The following KCNMA1 variants were observed in gnomAD, a reference collection of about 807,000 sequenced individuals.
The protein encoded by KCNMA1 is Calcium-activated potassium channel subunit alpha-1.
Under a neutral mutation model 140.0 loss-of-function variants are expected in KCNMA1, and 29 were observed. The observed-to-expected ratio is 0.21, with a 90% confidence interval of 0.15 to 0.28. The LOEUF is 0.28. Ranked by LOEUF, KCNMA1 falls within the 10% of genes least tolerant of loss-of-function variation. The probability of loss-of-function intolerance (pLI) is 1.00; values close to 1 mark genes in which losing one functional copy is unlikely to be tolerated. For missense variants in KCNMA1, 880 were observed against 1,602.2 expected, an observed-to-expected ratio of 0.55 and a Z score of 7.70; for synonymous variants, 612 against 611.9, an observed-to-expected ratio of 1.00 and a Z score of 0.00.
intron 1 of KCNMA1, among the ~76,000 whole-genome samples, chr10:77,437,490 C>A (rs954115965): frequency 6.6e-6 from 1 of 152,132 alleles, no homozygotes; most frequent in Non-Finnish European, 1.5e-5. Flanking sequence ...TATAGTTTTA[C>A]AGCAGGTAAA....
chr10:76,921,133 G>T (rs2055598375), intron 23 of KCNMA1, among the ~76,000 whole-genome samples: 1 of 152,104 alleles, frequency 6.6e-6, no homozygotes, highest in Non-Finnish European at 1.5e-5. Context: ...AAAGGAATTG[G>T]TTCAAATGGT....
At chr10:77,193,129 G>A (rs1309135534) in intron 3 of KCNMA1, among the ~76,000 whole-genome samples, 1 of 152,008 alleles carries the variant, frequency 6.6e-6, no homozygotes, top group South Asian at 2.1e-4. Flanking sequence ...ATCTGAACCA[G>A]TCATATGTCT....
At chr10:77,621,794 T>C (rs1289979643) in intron 1 of KCNMA1, among the ~76,000 whole-genome samples, 1 of 152,084 alleles carries the variant, frequency 6.6e-6, no homozygotes, top group Non-Finnish European at 1.5e-5. Context: ...CCAGGCATGA[T>C]GGTGCATGCC....
intron 1 of KCNMA1, among the ~76,000 whole-genome samples, chr10:77,589,066 A>G (rs1180639250): frequency 6.6e-6 from 1 of 152,240 alleles, no homozygotes; most frequent in East Asian, 1.9e-4. Context: ...ACAAATGAGC[A>G]TATCTGTGTT....
At chr10:77,361,340 G>T (rs1384107067) in intron 2 of KCNMA1, among the ~76,000 whole-genome samples, 2 of 152,208 alleles carry the variant, frequency 1.3e-5, no homozygotes, top group Non-Finnish European at 2.9e-5. Context: ...TCCAGCAACA[G>T]AAATGAGAAG....
intron 23 of KCNMA1, among the ~76,000 whole-genome samples, chr10:76,925,458 T>A (rs1344498590): frequency 6.6e-6 from 1 of 152,148 alleles, no homozygotes; most frequent in Admixed American, 6.6e-5. Flanking sequence ...AAGACAATGA[T>A]ATCAAGGGGA....
chr10:77,128,486 G>A (rs2097788372), intron 5 of KCNMA1, among the ~76,000 whole-genome samples: 1 of 149,580 alleles, frequency 6.7e-6, no homozygotes, highest in Admixed American at 6.7e-5. Flanking sequence ...TAAATCACCT[G>A]GGAAACTTTT....
intron 2 of KCNMA1, among the ~76,000 whole-genome samples, chr10:77,297,242 C>T (rs144434530): frequency 0.012 from 1,771 of 152,266 alleles, 35 homozygotes; most frequent in African/African-American, 0.041. Flanking sequence ...TAGAGCCAAA[C>T]CAAATAGCCT....
intron 2 of KCNMA1, among the ~76,000 whole-genome samples, chr10:77,303,544 A>C (rs978584956): frequency 6.6e-6 from 1 of 152,102 alleles, no homozygotes; most frequent in Admixed American, 6.5e-5. Flanking sequence ...GTTTCAGTAA[A>C]TTTCCTAAAG....
intron 14 of KCNMA1, among the ~76,000 whole-genome samples, chr10:77,052,738 CAG>C (rs2095415096): frequency 6.6e-6 from 1 of 152,108 alleles, no homozygotes; most frequent in Admixed American, 6.5e-5. Flanking sequence ...GATCCCTGGT[CAG>C]AGTCTTCAGC....
intron 1 of KCNMA1, among the ~76,000 whole-genome samples, chr10:77,477,311 T>C (rs1000681704): frequency 1.8e-4 from 27 of 152,248 alleles, no homozygotes; most frequent in Admixed American, 3.3e-4. Context: ...CTTGCCAGTC[T>C]GACTCAAGAT....
intron 17 of KCNMA1, among the ~76,000 whole-genome samples, chr10:77,016,398 C>A (rs1026547910): frequency 2.0e-5 from 3 of 152,138 alleles, no homozygotes; most frequent in African/African-American, 7.2e-5. Context: ...GTTCATTTTT[C>A]ACCACTGTTT....
chr10:77,342,920 C>T (rs953728582), intron 2 of KCNMA1, among the ~76,000 whole-genome samples: 1 of 152,136 alleles, frequency 6.6e-6, no homozygotes, highest in Non-Finnish European at 1.5e-5. Flanking sequence ...TGCTGCAGGG[C>T]TGTGGAAAGG....
intron 2 of KCNMA1, among the ~76,000 whole-genome samples, chr10:77,321,102 T>G (rs1057192493): frequency 6.6e-6 from 1 of 152,242 alleles, no homozygotes; most frequent in Non-Finnish European, 1.5e-5. Context: ...CTAGGCAAGA[T>G]GTTTATATTT....
At position 77,389,270 on chromosome 10, in the gene KCNMA1, C is replaced by A. The variant is rs191853476; in HGVS notation, c.540+14592G>T. Among the ~76,000 whole-genome samples the A allele has an allele frequency of 1.1e-3, 174 of 152,338 alleles. 1 individual carries two copies. Among genetic ancestry groups the A allele is most frequent in the African/African-American group, 4.0e-3 (168 of 41,588 alleles). On this transcript the variant is annotated intron_variant, in intron 2 of 27. Coordinates refer to ENST00000286628, the MANE Select transcript of KCNMA1 (RefSeq NM_001161352.2). ...CCACCCCCCTGAGTCTGCTACCTTG[C>A]TCCAGAAATAAAAAATGACTTTGGC...
chr10:77,595,677 G>C (rs1214771949), intron 1 of KCNMA1, among the ~76,000 whole-genome samples: 1 of 152,048 alleles, frequency 6.6e-6, no homozygotes, highest in Non-Finnish European at 1.5e-5. Context: ...GTTTTGTTTT[G>C]TTTTTTGAGA....
intron 1 of KCNMA1, among the ~76,000 whole-genome samples, chr10:77,578,321 C>T (rs919859201): frequency 3.3e-5 from 5 of 152,200 alleles, no homozygotes; most frequent in Admixed American, 6.5e-5. Context: ...CTGATCAGCC[C>T]GGTGGCCAAG....
chr10:77,634,390 CTGTT>C (rs1310491264), intron 1 of KCNMA1: 8 of 985,330 alleles, frequency 8.1e-6, no homozygotes, highest in Non-Finnish European at 9.6e-6. Context: ...AAGTCATTCA[CTGTT>C]TGAGATTCAG....
At chr10:77,334,784 A>C (rs2088133461) in intron 2 of KCNMA1, among the ~76,000 whole-genome samples, 2 of 152,202 alleles carry the variant, frequency 1.3e-5, no homozygotes, top group Non-Finnish European at 2.9e-5. Context: ...TTTGTCTATT[A>C]CTCATATTAA....
Sources: gnomAD v4.1 joint callset for allele counts (sites outside exome capture counted in the v4.1 genomes callset) on GRCh38, gnomAD v4.1.1 for gene constraint, MANE v1.5 for transcripts, NCBI Gene and HGNC (gene_info 2026-07-23, HGNC 2026-07-21) for gene names.